SRGAP2B: variants seen among roughly 807,000 people sequenced by gnomAD.
The protein encoded by SRGAP2B is SLIT-ROBO Rho GTPase-activating protein 2B.
In SRGAP2B, 9 loss-of-function variants were observed where a neutral mutation model predicts 22.2. That is an observed-to-expected ratio of 0.41 (90% CI 0.24 to 0.71). SRGAP2B has a LOEUF of 0.71. SRGAP2B is among the 30% of genes least tolerant of loss of function. The pLI is 0.35. For missense variants in SRGAP2B, 114 were observed against 235.8 expected, an observed-to-expected ratio of 0.48 and a Z score of 3.38; for synonymous variants, 36 against 87.4, an observed-to-expected ratio of 0.41 and a Z score of 3.28.
At chr1:145,019,895 G>A (rs1672668049) in intron 2 of SRGAP2B, among the ~76,000 whole-genome samples, 1 of 150,822 alleles carries the variant, frequency 6.6e-6, no homozygotes, top group African/African-American at 2.5e-5. Flanking sequence ...TCCCACCAGA[G>A]CACTCTGCTT....
intron 2 of SRGAP2B, among the ~76,000 whole-genome samples, chr1:145,007,566 A>G (rs1170565629): frequency 6.6e-6 from 1 of 150,674 alleles, no homozygotes; most frequent in Non-Finnish European, 1.5e-5. Context: ...GAGGCCGCAG[A>G]GAAAATTCTG....
rs75653840 is a variant in SRGAP2B at position 144,944,951 on chromosome 1, G to A, written c.423+10488C>T. ...ATTTTTGTATTTTTAGTAGAGACGG[G>A]GTTTCACCATGTTGGCCAGGCTGGT... On this transcript the variant is annotated intron_variant, in intron 4 of 9. Transcript: ENST00000612199. Among the ~76,000 whole-genome samples, 80 of 146,744 alleles carry A rather than the reference G, an allele frequency of 5.5e-4. No homozygotes were observed. The East Asian group carries it at 0.016, about 29-fold the overall frequency.
intron 2 of SRGAP2B, among the ~76,000 whole-genome samples, chr1:145,081,513 CTGTG>C (rs1652928870): frequency 6.7e-6 from 1 of 148,446 alleles, no homozygotes; most frequent in African/African-American, 2.5e-5. Context: ...ATCATTCTGC[CTGTG>C]TAGAATCCTG....
intron 2 of SRGAP2B, among the ~76,000 whole-genome samples, chr1:145,021,143 T>G: frequency 6.9e-6 from 1 of 143,910 alleles, no homozygotes; most frequent in Middle Eastern, 3.5e-3. Context: ...ACAACTGAAA[T>G]GCAAATGTTC....
intron 5 of SRGAP2B, among the ~76,000 whole-genome samples, chr1:144,911,336 G>C (rs1663396277): frequency 6.8e-6 from 1 of 147,366 alleles, no homozygotes; most frequent in Non-Finnish European, 1.5e-5. Context: ...TTCTCTTCTT[G>C]ACTCCTCAAA....
chr1:144,988,036 A>G (rs1669875917), intron 3 of SRGAP2B, among the ~76,000 whole-genome samples: 1 of 149,416 alleles, frequency 6.7e-6, no homozygotes, highest in Non-Finnish European at 1.5e-5. Context: ...TGCTAAAAAT[A>G]TATCAGGTGA....
At chr1:145,068,227 A>AG (rs1440925778) in intron 2 of SRGAP2B, among the ~76,000 whole-genome samples, 1 of 143,174 alleles carries the variant, frequency 7.0e-6, no homozygotes, top group Non-Finnish European at 1.5e-5. Flanking sequence ...AAAAAAAAAA[A>AG]CAAATACAGC....
At chr1:144,926,805 G>C (rs1664764655) in intron 4 of SRGAP2B, among the ~76,000 whole-genome samples, 1 of 146,180 alleles carries the variant, frequency 6.8e-6, no homozygotes, top group South Asian at 2.2e-4. Flanking sequence ...GCTGCAGTGA[G>C]CTATAATTGT....
chr1:144,985,096 G>T (rs1448516148), intron 3 of SRGAP2B, among the ~76,000 whole-genome samples: 1 of 128,434 alleles, frequency 7.8e-6, no homozygotes, highest in Non-Finnish European at 1.6e-5. Flanking sequence ...CATCTCTTCT[G>T]CAGCATATAC....
intron 5 of SRGAP2B, among the ~76,000 whole-genome samples, chr1:144,913,067 C>T (rs1205089280): frequency 1.4e-5 from 2 of 145,490 alleles, no homozygotes; most frequent in Non-Finnish European, 3.0e-5. Context: ...CTTCCTCACT[C>T]AAACACAGCT....
At chr1:145,075,824 A>T (rs1652444726) in intron 2 of SRGAP2B, among the ~76,000 whole-genome samples, 1 of 149,176 alleles carries the variant, frequency 6.7e-6, no homozygotes, top group African/African-American at 2.5e-5. Flanking sequence ...ACGGTGGCTC[A>T]CACCTGTAAT....
rs1373151433 is a variant in SRGAP2B, at chr1:144,917,746, T to C, written c.424-2992A>G. 2 of 124,384 alleles carry C rather than the reference T, an allele frequency of 1.6e-5. 1 individual carries two copies. The highest frequency in any genetic ancestry group is 7.8e-5 in the African/African-American group (2 of 25,690). The allele number at this position is 124,384 out of a possible 1,614,324, so 7.7% of individuals were successfully genotyped here. A position where few individuals can be genotyped will look rare whatever the true frequency, so the allele number is the denominator to read the frequency against. On this transcript the variant is annotated intron_variant, in intron 4 of 9. Coordinates refer to ENST00000612199, the Ensembl canonical transcript of SRGAP2B. ...GGAATACATGTGTAGCGAGCCCACTTAAAATGTGCAATACAGCCTCTAGCA... is the reference window on the plus strand; with the variant it reads ...GGAATACATGTGTAGCGAGCCCACTCAAAATGTGCAATACAGCCTCTAGCA...
intron 3 of SRGAP2B, among the ~76,000 whole-genome samples, chr1:144,970,382 T>A (rs782408231): frequency 0.01 from 1,181 of 113,102 alleles, 10 homozygotes; most frequent in Non-Finnish European, 0.016. Flanking sequence ...TCATTCTCAG[T>A]AAACTATCGC....
chr1:145,044,650 TAAAAAAAAAAAAAAA>T (rs1184404731), intron 2 of SRGAP2B, among the ~76,000 whole-genome samples: 41 of 30,574 alleles, frequency 1.3e-3, no homozygotes, highest in Admixed American at 2.6e-3. Context: ...AACCCCCTCC[TAAAAAAAAAAAAAAA>T]AAAAAAAAAA....
chr1:145,073,186 G>A (rs1443183019), intron 2 of SRGAP2B, among the ~76,000 whole-genome samples: 2 of 150,412 alleles, frequency 1.3e-5, no homozygotes, highest in Non-Finnish European at 1.5e-5. Context: ...GCAAAAGGAG[G>A]TCAGGTATTT....
intron 3 of SRGAP2B, among the ~76,000 whole-genome samples, chr1:144,986,276 CAG>C (rs1223047942): frequency 8.8e-6 from 1 of 114,014 alleles, no homozygotes; most frequent in Non-Finnish European, 1.8e-5. Flanking sequence ...TGGGTCTGTT[CAG>C]AGTTGCTGCT....
intron 2 of SRGAP2B, among the ~76,000 whole-genome samples, chr1:145,025,928 C>A (rs1553625004): frequency 1.3e-5 from 2 of 149,510 alleles, no homozygotes; most frequent in Non-Finnish European, 3.0e-5. Context: ...TCTGGGGGTA[C>A]CTACAACACG....
At chr1:145,067,316 T>C (rs1651616526) in intron 2 of SRGAP2B, among the ~76,000 whole-genome samples, 1 of 147,692 alleles carries the variant, frequency 6.8e-6, no homozygotes, top group Admixed American at 6.7e-5. Flanking sequence ...ATTAGAAAAC[T>C]AATTATCAGA....
chr1:145,020,487 C>A (rs1323419557), intron 2 of SRGAP2B, among the ~76,000 whole-genome samples: 1 of 138,816 alleles, frequency 7.2e-6, no homozygotes, highest in Non-Finnish European at 1.5e-5. Context: ...TTTTAAAAAG[C>A]AACTCCCCTC....
Sources: gnomAD v4.1 joint callset for allele counts (sites outside exome capture counted in the v4.1 genomes callset) on GRCh38, gnomAD v4.1.1 for gene constraint, MANE v1.5 for transcripts, NCBI Gene and HGNC (gene_info 2026-07-23, HGNC 2026-07-21) for gene names.